The following KIAA1614 variants were observed in gnomAD, a reference collection of about 807,000 sequenced individuals.
KIAA1614 encodes the protein uncharacterized protein KIAA1614.
Under a neutral mutation model 88.7 loss-of-function variants are expected in KIAA1614, and 76 were observed. That is an observed-to-expected ratio of 0.86 (90% CI 0.71 to 1.04). The LOEUF is 1.04. KIAA1614 is among the 50% of genes least tolerant of loss of function. KIAA1614 has a pLI of 0.00. For missense variants in KIAA1614, 1,553 were observed against 1,582.5 expected (o/e 0.98, Z 0.32); for synonymous variants, 714 against 675.5 (o/e 1.06, Z -0.88).
At chr1:180,942,761 C>T (rs888746860) in intron 7 of KIAA1614, among the ~76,000 whole-genome samples, 4 of 152,132 alleles carry the variant, frequency 2.6e-5, no homozygotes, top group Admixed American at 6.5e-5. Context: ...ACACCACCCC[C>T]GTCGGTGTCA....
Position 180,916,598 on chromosome 1 carries a change from A to G in KIAA1614, c.495A>G (p.Gly165=), listed in dbSNP as rs1318192662. Residue 165 remains glycine (G), a synonymous_variant, in exon 2 of 9, where the codon GGA becomes GGG. Transcript: ENST00000367588. ...SINEEQPARD[G]GPRLPRPPAP... Reference sequence around the variant, plus strand: ...ATGAGGAGCAACCCGCCAGGGATGGAGGCCCCAGGCTTCCCAGGCCGCCTG... The same window carrying G: ...ATGAGGAGCAACCCGCCAGGGATGGGGGCCCCAGGCTTCCCAGGCCGCCTG... The G allele has an allele frequency of 6.2e-7, 1 of 1,604,530 alleles. No homozygotes were observed. The highest frequency in any genetic ancestry group is 1.1e-5 in the South Asian group (1 of 90,142).
At chr1:180,943,028 G>GTTTTTTTTTTTTTTTTTTTTTT (rs765988727) in intron 7 of KIAA1614, among the ~76,000 whole-genome samples, 1 of 14,936 alleles carries the variant, frequency 6.7e-5, no homozygotes, top group African/African-American at 1.2e-4. Flanking sequence ...AGTTTTTTGG[G>GTTTTTTTTTTTTTTTTTTTTTT]TTTTTTTTTT....
intron 1 of KIAA1614, 47 bp downstream of exon 1, chr1:180,913,340 G>C: frequency 8.3e-7 from 1 of 1,200,788 alleles, no homozygotes; most frequent in Non-Finnish European, 1.0e-6. Context: ...GGGGGTGGCG[G>C]ACCGGCGGGG....
Position 180,916,438 on chromosome 1 carries a change from C to A in KIAA1614, c.335C>A (p.Ser112Tyr), listed in dbSNP as rs1571281231. 1.9e-6 allele frequency: 3 copies of A among 1,614,204 alleles called. No homozygotes were observed. Among genetic ancestry groups the A allele is most frequent in the Middle Eastern group, 1.6e-4 (1 of 6,062 alleles). ...SPCSASQEWS[S>Y]PKKPQCRRGK... ...TGCTCTGCTTCCCAAGAGTGGTCAT[C>A]CCCCAAGAAACCCCAATGCAGACGA... is the stretch of plus-strand genomic sequence containing the variant. Residue 112 changes from serine to tyrosine, a missense_variant, in exon 2 of 9, where the codon TCC (serine) becomes TAC (tyrosine). Physicochemically the swap from Ser to Tyr is moderately radical, Grantham distance 144. Transcript: ENST00000367588.
chr1:180,916,587 G>A lies in KIAA1614; in HGVS notation c.484G>A (p.Ala162Thr), dbSNP rs369116547. ...LDGSINEEQP[A>T]RDGGPRLPRP... ...CGGCAGCATCAATGAGGAGCAACCC[G>A]CCAGGGATGGAGGCCCCAGGCTTCC... Residue 162 changes from alanine (A) to threonine (T), a missense_variant, in exon 2 of 9, where the codon GCC becomes ACC. Physicochemically the swap from Ala to Thr is moderately conservative, Grantham distance 58. Transcript: ENST00000367588. 13 of 1,606,716 alleles carry A rather than the reference G, an allele frequency of 8.1e-6. No homozygotes were observed. The highest frequency in any genetic ancestry group is 1.7e-4 in the Middle Eastern group (1 of 6,028).
At chr1:180,941,772 C>T (rs1373272763) in intron 7 of KIAA1614, among the ~76,000 whole-genome samples, 2 of 152,196 alleles carry the variant, frequency 1.3e-5, no homozygotes, top group Non-Finnish European at 2.9e-5. Context: ...GTCATTGGTC[C>T]CTTATCGCCT....
At chr1:180,940,515 A>G (rs1342393076) in intron 6 of KIAA1614, among the ~76,000 whole-genome samples, 2 of 152,084 alleles carry the variant, frequency 1.3e-5, no homozygotes, top group Non-Finnish European at 2.9e-5. Context: ...AAGAAAAAAA[A>G]TATACACTGA....
chr1:180,926,639 G>A (rs1415072877), intron 3 of KIAA1614, among the ~76,000 whole-genome samples: 1 of 152,240 alleles, frequency 6.6e-6, no homozygotes, highest in Non-Finnish European at 1.5e-5. Context: ...TGTGACAAAT[G>A]CCCTCTGACA....
chr1:180,937,667 A>T (rs1286939628), intron 5 of KIAA1614, among the ~76,000 whole-genome samples: 1 of 152,198 alleles, frequency 6.6e-6, no homozygotes, highest in Non-Finnish European at 1.5e-5. Flanking sequence ...GAGAGAGGGC[A>T]GAGAGATGAC....
intron 4 of KIAA1614, 124 bp downstream of exon 4, chr1:180,928,697 T>C: frequency 9.0e-7 from 1 of 1,111,414 alleles, no homozygotes; most frequent in South Asian, 1.7e-5. Context: ...TGTCTGTGTG[T>C]TTTCCATATA....
Position 180,945,731 on chromosome 1 carries a change from G to C in KIAA1614, c.*143G>C. 7.2e-7 allele frequency: 1 copy of C among 1,392,818 alleles called. No homozygotes were observed. The allele number at this position is 1,392,818 out of a possible 1,614,324, so 86.3% of individuals were successfully genotyped here. ...CCTAGGCAACTGCAGCTGAGAGTGC[G>C]TTGGTGGGGAGTGTGCGGGAGGGGG... On this transcript the variant is annotated 3_prime_UTR_variant, in exon 9 of 9. Transcript: ENST00000367588.
rs1210027476 is a variant in KIAA1614, at chr1:180,947,343, G to A, written c.*1755G>A. The A allele has an allele frequency of 1.3e-5, 2 of 152,352 alleles. No homozygotes were observed. Among genetic ancestry groups the A allele is most frequent in the Non-Finnish European group, 2.9e-5 (2 of 68,110 alleles). 9.4% of individuals were successfully genotyped at this position (152,352 alleles called of 1,614,324 possible). ...GGAGCGAGCACTGAGACTCTCTAAT[G>A]TCTATGAGAATAGACCCCAGTGGGA... On this transcript the variant is annotated 3_prime_UTR_variant, in exon 9 of 9. Transcript: ENST00000367588.
chr1:180,940,228 C>G (rs897195970), intron 6 of KIAA1614, among the ~76,000 whole-genome samples: 1 of 152,224 alleles, frequency 6.6e-6, no homozygotes, highest in African/African-American at 2.4e-5. Flanking sequence ...ATGGGCCAGG[C>G]AGTGGCTCAT....
Position 180,950,629 on chromosome 1 carries a change from C to G in KIAA1614, c.*5041C>G. 3.3e-6 allele frequency: 2 copies of G among 609,030 alleles called. No individual in the cohort carries two copies. Among genetic ancestry groups the G allele is most frequent in the Non-Finnish European group, 4.1e-6 (2 of 482,206 alleles). 37.7% of individuals were successfully genotyped at this position (609,030 alleles called of 1,614,324 possible). ...CGTGCTGCACAGAGCTGCTCTGTGG[C>G]GGAAACAGATCCTGGCAGCATCTAA... is the stretch of plus-strand genomic sequence containing the variant. On this transcript the variant is annotated 3_prime_UTR_variant, in exon 9 of 9. Transcript: ENST00000367588.
rs1558074793 is a variant in KIAA1614, at chr1:180,947,147, G to A, written c.*1559G>A. On this transcript the variant is annotated 3_prime_UTR_variant, in exon 9 of 9. Transcript: ENST00000367588. ...CATTCCGGCAGACTGAACAGCAAGT[G>A]CGGAGCCCTGGTGGAGGGGCGAGCC... The A allele has an allele frequency of 6.6e-6, 1 of 152,342 alleles. No individual in the cohort carries two copies. Among genetic ancestry groups the A allele is most frequent in the Non-Finnish European group, 1.5e-5 (1 of 68,138 alleles). 9.4% of individuals were successfully genotyped at this position (152,342 alleles called of 1,614,324 possible).
At chr1:180,919,499 C>T (rs1230725202) in intron 3 of KIAA1614, among the ~76,000 whole-genome samples, 1 of 152,140 alleles carries the variant, frequency 6.6e-6, no homozygotes, top group Non-Finnish European at 1.5e-5. Context: ...TCTTTCTGTG[C>T]GGAGCCCTGG....
In KIAA1614 at chr1:180,935,312, TG is replaced by T; in HGVS notation, c.1404del (p.Gln469SerfsTer8). The T allele has an allele frequency of 6.7e-7, 1 of 1,485,668 alleles. No individual in the cohort carries two copies. Among genetic ancestry groups the T allele is most frequent in the Non-Finnish European group, 8.9e-7 (1 of 1,120,858 alleles). 92.0% of individuals were successfully genotyped at this position (1,485,668 alleles called of 1,614,324 possible). A position where few individuals can be genotyped will look rare whatever the true frequency, so the allele number is the denominator to read the frequency against. On this transcript the variant is annotated frameshift_variant, in exon 5 of 9. Coordinates refer to ENST00000367588, the MANE Select transcript of KIAA1614 (RefSeq NM_020950.2). LOFTEE classifies it high-confidence loss of function. The surrounding 1 kb of genome is among the most constrained non-coding windows in gnomAD (Gnocchi z 6.1). ...REAEFRHLER[L>X]QQRQRQVLST... ...GCCGAGTTCCGTCACCTGGAGCGGC[TG>T]CAGCAGCGCCAGCGCCAGGTGCTGA...
At chr1:180,937,297 G>T (rs543966202) in intron 5 of KIAA1614, among the ~76,000 whole-genome samples, 12 of 152,362 alleles carry the variant, frequency 7.9e-5, no homozygotes, top group Admixed American at 1.3e-4. Flanking sequence ...ACTGTCCAGA[G>T]GACCCTGTGA....
chr1:180,928,609 C>T, intron 4 of KIAA1614, 36 bp downstream of exon 4: 1 of 1,596,412 alleles, frequency 6.3e-7, no homozygotes, highest in Non-Finnish European at 8.6e-7. Flanking sequence ...CCTGGGAGGG[C>T]CATAGCAGGG....
Sources: gnomAD v4.1 joint callset for allele counts (sites outside exome capture counted in the v4.1 genomes callset) on GRCh38, gnomAD v4.1.1 for gene constraint, Gnocchi (gnomAD v3.1) non-coding constraint, MANE v1.5 for transcripts, NCBI Gene and HGNC (gene_info 2026-07-23, HGNC 2026-07-21) for gene names.